Variants in NXPH2 observed in about 807,000 individuals in gnomAD.
NXPH2 encodes the protein neurexophilin-2.
Under a neutral mutation model 19.8 loss-of-function variants are expected in NXPH2, and 5 were observed. That is an observed-to-expected ratio of 0.25 (90% CI 0.13 to 0.53). The LOEUF (loss-of-function observed/expected upper bound fraction) is 0.53, where lower values mean the gene tolerates loss of function less well. NXPH2 is among the 20% of genes least tolerant of loss of function. NXPH2 has a pLI of 0.96. For synonymous variants in NXPH2, 154 were observed against 127.4 expected (o/e 1.21, Z -1.41); for missense variants, 289 against 322.8 (o/e 0.90, Z 0.80).
At chr2:138,729,176 C>T (rs1247504969) in intron 1 of NXPH2, among the ~76,000 whole-genome samples, 5 of 152,176 alleles carry the variant, frequency 3.3e-5, no homozygotes, top group African/African-American at 9.7e-5. Flanking sequence ...CCACCCAAAT[C>T]TCATCTTGAA....
intron 1 of NXPH2, among the ~76,000 whole-genome samples, chr2:138,770,256 C>A (rs758749884): frequency 2.6e-5 from 4 of 152,064 alleles, no homozygotes; most frequent in Non-Finnish European, 5.9e-5. Flanking sequence ...CTAATCCCAC[C>A]ATAATCTTTA....
At chr2:138,702,612 A>C (rs1680946204) in intron 1 of NXPH2, among the ~76,000 whole-genome samples, 1 of 151,702 alleles carries the variant, frequency 6.6e-6, no homozygotes, top group Admixed American at 6.6e-5. Flanking sequence ...AAGCTGCATA[A>C]ATTAACTTGA....
At position 138,670,074 on chromosome 2, in the gene NXPH2, G is replaced by T. The variant is rs1198159711; in HGVS notation, c.*848C>A. ...CAGAGCTGTTCTACACATGTGTAAA[G>T]AATCACACTATCGAATGAATTGAAT... is the stretch of plus-strand genomic sequence containing the variant. On this transcript the variant is annotated 3_prime_UTR_variant, in exon 2 of 2. Coordinates refer to ENST00000272641, the MANE Select transcript of NXPH2 (RefSeq NM_007226.3). Among the ~76,000 whole-genome samples, 5 of 152,208 alleles carry T rather than the reference G, an allele frequency of 3.3e-5. No homozygotes were observed. The East Asian group carries it at 9.6e-4, about 29-fold the overall frequency.
At chr2:138,773,146 C>T (rs550448357) in intron 1 of NXPH2, among the ~76,000 whole-genome samples, 18 of 152,284 alleles carry the variant, frequency 1.2e-4, no homozygotes, top group African/African-American at 4.1e-4. Flanking sequence ...AGTAAAACAT[C>T]CAAGTAAAAC....
At chr2:138,756,690 T>G (rs919892339) in intron 1 of NXPH2, among the ~76,000 whole-genome samples, 1 of 152,154 alleles carries the variant, frequency 6.6e-6, no homozygotes, top group Non-Finnish European at 1.5e-5. Context: ...AACACTGATA[T>G]AATAATAGCA....
chr2:138,726,880 A>G (rs769679233), intron 1 of NXPH2, among the ~76,000 whole-genome samples: 2 of 152,208 alleles, frequency 1.3e-5, no homozygotes, highest in Admixed American at 1.3e-4. Context: ...AGTAACATGT[A>G]TCCACCATTA....
intron 1 of NXPH2, among the ~76,000 whole-genome samples, chr2:138,737,109 GC>G (rs1681560861): frequency 6.6e-6 from 1 of 152,100 alleles, no homozygotes. Flanking sequence ...TCCAACCTCT[GC>G]CTGTTACCCA....
chr2:138,731,151 G>A (rs1247172997), intron 1 of NXPH2, among the ~76,000 whole-genome samples: 2 of 152,116 alleles, frequency 1.3e-5, no homozygotes, highest in Non-Finnish European at 2.9e-5. Context: ...TGTGCTGCTT[G>A]CTTTTTTAGA....
chr2:138,673,917 C>A (rs1680449155), intron 1 of NXPH2, among the ~76,000 whole-genome samples: 1 of 151,994 alleles, frequency 6.6e-6, no homozygotes, highest in African/African-American at 2.4e-5. Flanking sequence ...TTTTTTAGCT[C>A]TTACATATGG....
chr2:138,728,536 G>A (rs1192145337), intron 1 of NXPH2, among the ~76,000 whole-genome samples: 2 of 152,130 alleles, frequency 1.3e-5, no homozygotes, highest in Non-Finnish European at 2.9e-5. Flanking sequence ...GAAAGATCTC[G>A]ATAAATGTTA....
At chr2:138,777,303 A>G (rs1469736677) in intron 1 of NXPH2, among the ~76,000 whole-genome samples, 5 of 152,100 alleles carry the variant, frequency 3.3e-5, no homozygotes, top group Non-Finnish European at 5.9e-5. Context: ...AATATTCTTT[A>G]TAAGAGTATG....
intron 1 of NXPH2, among the ~76,000 whole-genome samples, chr2:138,718,811 A>G (rs1054988755): frequency 6.6e-6 from 1 of 152,230 alleles, no homozygotes; most frequent in African/African-American, 2.4e-5. Context: ...AGTTGGTTCA[A>G]AAGCTTTGAA....
At chr2:138,697,649 TA>T (rs1680848259) in intron 1 of NXPH2, among the ~76,000 whole-genome samples, 1 of 151,910 alleles carries the variant, frequency 6.6e-6, no homozygotes, top group African/African-American at 2.4e-5. Flanking sequence ...TGGTATTTCT[TA>T]TTTTCTTCTT....
At chr2:138,761,689 C>A (rs771389166) in intron 1 of NXPH2, among the ~76,000 whole-genome samples, 1 of 152,178 alleles carries the variant, frequency 6.6e-6, no homozygotes, top group Non-Finnish European at 1.5e-5. Context: ...TCTCCCACCC[C>A]CAAAGTTCAC....
At chr2:138,765,824 T>C (rs1036121821) in intron 1 of NXPH2, among the ~76,000 whole-genome samples, 2 of 152,258 alleles carry the variant, frequency 1.3e-5, no homozygotes, top group African/African-American at 2.4e-5. Flanking sequence ...CAAATTTGCA[T>C]GTCAAGTGTG....
chr2:138,690,209 T>G (rs1264036846), intron 1 of NXPH2, among the ~76,000 whole-genome samples: 1 of 152,138 alleles, frequency 6.6e-6, no homozygotes, highest in Admixed American at 6.5e-5. Flanking sequence ...TCTTGATACC[T>G]CCCTCATTTT....
intron 1 of NXPH2, among the ~76,000 whole-genome samples, chr2:138,751,103 G>A (rs1681822488): frequency 8.1e-6 from 1 of 123,282 alleles, no homozygotes; most frequent in African/African-American, 2.9e-5. Context: ...GTCTCCTAGA[G>A]ACTTACTGCT....
At chr2:138,746,719 G>A (rs1484839652) in intron 1 of NXPH2, among the ~76,000 whole-genome samples, 1 of 152,130 alleles carries the variant, frequency 6.6e-6, no homozygotes, top group African/African-American at 2.4e-5. Flanking sequence ...CTTACTTAAA[G>A]CTCCAAGACC....
chr2:138,745,817 T>C (rs1173294102), intron 1 of NXPH2, among the ~76,000 whole-genome samples: 1 of 149,584 alleles, frequency 6.7e-6, no homozygotes, highest in Non-Finnish European at 1.5e-5. Flanking sequence ...AATTCAATTA[T>C]AGGGTGGGGG....
Sources: gnomAD v4.1 joint callset for allele counts (sites outside exome capture counted in the v4.1 genomes callset) on GRCh38, gnomAD v4.1.1 for gene constraint, MANE v1.5 for transcripts, NCBI Gene and HGNC (gene_info 2026-07-23, HGNC 2026-07-21) for gene names.